The following ADAM9 variants were observed in gnomAD, a reference collection of about 807,000 sequenced individuals.
ADAM9 encodes the protein disintegrin and metalloproteinase domain-containing protein 9.
In ADAM9, 54 loss-of-function variants were observed where a neutral mutation model predicts 108.1. That is an observed-to-expected ratio of 0.50 (90% CI 0.40 to 0.63). The LOEUF is 0.63. Among genes scored for constraint, ADAM9 ranks in the 20% least tolerant of loss-of-function variants. The pLI is 0.00. For synonymous variants in ADAM9, 316 were observed against 336.0 expected (o/e 0.94, Z 0.65); for missense variants, 830 against 997.7 (o/e 0.83, Z 2.26).
Position 38,999,248 on chromosome 8 carries a change from A to G in ADAM9, c.97+2088A>G, listed in dbSNP as rs148831672. Among the ~76,000 whole-genome samples, 83 of 152,222 alleles carry G rather than the reference A, an allele frequency of 5.5e-4. 1 individual carries two copies. Among genetic ancestry groups the G allele is most frequent in the African/African-American group, 2.0e-3 (81 of 41,532 alleles). ...TTACATTAGGAGTTAATTAGGTTTT[A>G]TAGGATTTTTACTACCTTTTATAAC... On this transcript the variant is annotated intron_variant, in intron 1 of 21. Transcript: ENST00000487273.
chr8:39,017,502 G>GTT, intron 6 of ADAM9, 88 bp downstream of exon 6: 6 of 1,353,140 alleles, frequency 4.4e-6, no homozygotes, highest in Non-Finnish European at 6.2e-6. Flanking sequence ...TATGAGTAGT[G>GTT]TTTTTTTTTC....
rs1022339667 is a variant in ADAM9 at position 39,093,474 on chromosome 8, T to C, written c.2298+2128T>C. Among the ~76,000 whole-genome samples the C allele has an allele frequency of 3.3e-5, 5 of 152,248 alleles. No individual in the cohort carries two copies. In the East Asian group the frequency reaches 9.6e-4, roughly 29 times the overall value. ...GCAACTTTAGTGAATTCATTAGTTC[T>C]AACAGTTTTTTGGTTGACTCTTTAG... On this transcript the variant is annotated intron_variant, in intron 20 of 21. Coordinates refer to ENST00000487273, the MANE Select transcript of ADAM9 (RefSeq NM_003816.3).
chr8:39,066,848 T>C (rs373370205), intron 14 of ADAM9, among the ~76,000 whole-genome samples: 1 of 152,218 alleles, frequency 6.6e-6, no homozygotes, highest in Non-Finnish European at 1.5e-5. Flanking sequence ...CTGAATGGTA[T>C]TGCCTAGGTT....
intron 14 of ADAM9, among the ~76,000 whole-genome samples, chr8:39,070,221 A>G (rs1472267089): frequency 6.6e-6 from 1 of 151,844 alleles, no homozygotes; most frequent in Non-Finnish European, 1.5e-5. Flanking sequence ...AATTGTGAAT[A>G]CTTTTCCATG....
chr8:39,064,324 T>C (rs1215092574), intron 14 of ADAM9, among the ~76,000 whole-genome samples: 2 of 152,212 alleles, frequency 1.3e-5, no homozygotes, highest in African/African-American at 4.8e-5. Flanking sequence ...TTCAGAAAAC[T>C]CATTCTCAAA....
chr8:39,071,311 C>T lies in ADAM9; in HGVS notation c.1605C>T (p.Ala535=). ...TTAATGTTACAGAAGCCAAGGCTGC[C>T]CCCAAAGATTGTTTCATTGAAGTGA... ...QVIFGSKAKA[A]PKDCFIEVNS... is the part of the protein sequence containing the mutation. Residue 535 remains alanine, a synonymous_variant, in exon 15 of 22, where the codon GCC becomes GCT. Transcript: ENST00000487273. 6.2e-7 allele frequency: 1 copy of T among 1,613,814 alleles called. No individual in the cohort carries two copies. The highest frequency in any genetic ancestry group is 8.5e-7 in the Non-Finnish European group (1 of 1,179,964).
At chr8:39,015,372 T>C (rs1439967587) in intron 4 of ADAM9, 1 of 152,188 alleles carries the variant, frequency 6.6e-6, no homozygotes, top group African/African-American at 2.4e-5. Context: ...CTGCCAAAAA[T>C]TGATTTAATT....
intron 12 of ADAM9, among the ~76,000 whole-genome samples, chr8:39,050,797 A>G (rs1456436744): frequency 1.3e-5 from 2 of 151,130 alleles, no homozygotes; most frequent in Admixed American, 1.3e-4. Flanking sequence ...ATGTGGTCCA[A>G]CAGTTTCTCT....
chr8:39,045,364 GT>G (rs1564300800), intron 12 of ADAM9, among the ~76,000 whole-genome samples: 3 of 108,632 alleles, frequency 2.8e-5, no homozygotes, highest in Admixed American at 8.6e-5. Context: ...ATACATATAG[GT>G]GTGTGTACAT....
In ADAM9 at chr8:39,034,178, C is replaced by T. The variant is rs569914649; in HGVS notation, c.1130+7368C>T. Among the ~76,000 whole-genome samples, 94 of 152,278 alleles carry T rather than the reference C, an allele frequency of 6.2e-4. 1 individual carries two copies. Among genetic ancestry groups the T allele is most frequent in the Middle Eastern group, 3.4e-3 (1 of 294 alleles). On this transcript the variant is annotated intron_variant, in intron 11 of 21. Coordinates refer to ENST00000487273, the MANE Select transcript of ADAM9 (RefSeq NM_003816.3). ...GATGTGCTGGGATTACAGGTGTGAG[C>T]CACTGTGCACTGCCAGATAGAGTGT...
At chr8:39,002,355 G>C (rs1446497709) in intron 1 of ADAM9, among the ~76,000 whole-genome samples, 2 of 111,010 alleles carry the variant, frequency 1.8e-5, no homozygotes, top group Non-Finnish European at 3.3e-5. Flanking sequence ...GTCTCACTCT[G>C]TTGCCCAGAC....
chr8:39,072,575 C>T (rs1213998978), intron 15 of ADAM9, among the ~76,000 whole-genome samples: 1 of 152,216 alleles, frequency 6.6e-6, no homozygotes, highest in Non-Finnish European at 1.5e-5. Flanking sequence ...TCATTTGCCT[C>T]CTCTCTGAGA....
At position 39,090,549 on chromosome 8, in the gene ADAM9, T is replaced by C. The variant is rs191684263; in HGVS notation, c.2210+361T>C. Reference sequence around the variant, plus strand: ...AATCCTCTAAAATAGGGTTCTAAGTTATTTCTCTGACCTTTTGACATGATT... The same window carrying C: ...AATCCTCTAAAATAGGGTTCTAAGTCATTTCTCTGACCTTTTGACATGATT... On this transcript the variant is annotated intron_variant, in intron 19 of 21. Transcript: ENST00000487273. 2.9e-3 allele frequency among the ~76,000 whole-genome samples: 439 copies of C among 152,328 alleles called. 1 individual carries two copies. The highest frequency in any genetic ancestry group is 3.7e-3 in the Non-Finnish European group (249 of 68,026).
chr8:39,097,964 TTGTC>T (rs1403102060), intron 20 of ADAM9, among the ~76,000 whole-genome samples: 1 of 152,242 alleles, frequency 6.6e-6, no homozygotes, highest in African/African-American at 2.4e-5. Flanking sequence ...CATGTGTTGA[TTGTC>T]TGCTTTCAAC....
At chr8:38,997,751 G>A (rs1160578840) in intron 1 of ADAM9, among the ~76,000 whole-genome samples, 4 of 152,228 alleles carry the variant, frequency 2.6e-5, no homozygotes, top group Non-Finnish European at 4.4e-5. Context: ...TTTGTAGTAA[G>A]AATATTTTGT....
intron 12 of ADAM9, among the ~76,000 whole-genome samples, chr8:39,045,343 C>CGTGTGTGTGT (rs1335207885): frequency 2.5e-5 from 3 of 118,904 alleles, no homozygotes; most frequent in African/African-American, 1.0e-4. Flanking sequence ...TACACCTATA[C>CGTGTGTGTGT]ATGTGTGTAC....
At chr8:39,034,885 T>C (rs1458210601) in intron 11 of ADAM9, among the ~76,000 whole-genome samples, 2 of 152,252 alleles carry the variant, frequency 1.3e-5, no homozygotes, top group African/African-American at 4.8e-5. Context: ...CATACGTATG[T>C]TATGTATATA....
chr8:39,010,256 A>G (rs1476042983), intron 2 of ADAM9, among the ~76,000 whole-genome samples: 1 of 152,192 alleles, frequency 6.6e-6, no homozygotes, highest in Non-Finnish European at 1.5e-5. Flanking sequence ...TGATGTTATT[A>G]CATCACGTGA....
chr8:39,060,023 G>A (rs978058681), intron 14 of ADAM9, among the ~76,000 whole-genome samples: 4 of 152,198 alleles, frequency 2.6e-5, no homozygotes, highest in African/African-American at 9.7e-5. Context: ...GGGTGCTGCT[G>A]CATATGCCCA....
Sources: gnomAD v4.1 joint callset for allele counts (sites outside exome capture counted in the v4.1 genomes callset) on GRCh38, gnomAD v4.1.1 for gene constraint, MANE v1.5 for transcripts, NCBI Gene and HGNC (gene_info 2026-07-23, HGNC 2026-07-21) for gene names.